Variants in FGGY observed in about 807,000 individuals in gnomAD.
The protein encoded by FGGY is FGGY carbohydrate kinase domain-containing protein.
FGGY carries 72 observed loss-of-function variants against 71.3 expected under a neutral mutation model. The observed-to-expected ratio is 1.01, with a 90% CI of 0.84 to 1.23. FGGY has a LOEUF of 1.23. FGGY is among the 50% of genes most tolerant of loss of function. The pLI is 0.00. For missense variants in FGGY, 668 were observed against 682.3 expected (o/e 0.98, Z 0.23); for synonymous variants, 251 against 250.3 (o/e 1.00, Z -0.02).
At chr1:59,533,821 T>A (rs942339858) in intron 7 of FGGY, among the ~76,000 whole-genome samples, 1 of 151,902 alleles carries the variant, frequency 6.6e-6, no homozygotes, top group Non-Finnish European at 1.5e-5. Context: ...CACACCAAAA[T>A]CCCATCTGTA....
At chr1:59,730,040 C>T (rs1159449791) in intron 14 of FGGY, among the ~76,000 whole-genome samples, 2 of 152,134 alleles carry the variant, frequency 1.3e-5, no homozygotes, top group Non-Finnish European at 2.9e-5. Context: ...GAGGTAAAAC[C>T]GATGAAAGTG....
chr1:59,480,087 A>G (rs1010530735), intron 6 of FGGY, among the ~76,000 whole-genome samples: 1 of 152,212 alleles, frequency 6.6e-6, no homozygotes, highest in African/African-American at 2.4e-5. Flanking sequence ...CAACAGGCTT[A>G]TAACACTTGT....
chr1:59,565,484 C>T (rs1015479786), intron 8 of FGGY, among the ~76,000 whole-genome samples: 1 of 152,286 alleles, frequency 6.6e-6, no homozygotes, highest in African/African-American at 2.4e-5. Context: ...CGGGGTTTCA[C>T]CGCGTTAGCC....
intron 5 of FGGY, among the ~76,000 whole-genome samples, chr1:59,435,285 G>A (rs1159287375): frequency 1.3e-5 from 2 of 152,198 alleles, no homozygotes; most frequent in Admixed American, 6.5e-5. Context: ...ATAATAAAAT[G>A]CAACGTGTAT....
At chr1:59,686,723 C>G (rs12075616) in intron 14 of FGGY, among the ~76,000 whole-genome samples, 1 of 151,780 alleles carries the variant, frequency 6.6e-6, no homozygotes. Context: ...TACTATTAGC[C>G]GTATGATTCA....
intron 8 of FGGY, among the ~76,000 whole-genome samples, chr1:59,578,960 A>T (rs1369130202): frequency 3.3e-5 from 5 of 151,990 alleles, no homozygotes; most frequent in Non-Finnish European, 5.9e-5. Context: ...TCCCCCATTT[A>T]TTGTCTTTGC....
At chr1:59,746,028 CG>C (rs1298523079) in intron 14 of FGGY, among the ~76,000 whole-genome samples, 1 of 151,964 alleles carries the variant, frequency 6.6e-6, no homozygotes, top group East Asian at 1.9e-4. Flanking sequence ...ATTTTGAAAC[CG>C]TCTAACAGTG....
chr1:59,582,060 G>T (rs1034006665), intron 8 of FGGY, among the ~76,000 whole-genome samples: 4 of 149,368 alleles, frequency 2.7e-5, no homozygotes, highest in Non-Finnish European at 5.9e-5. Context: ...ACCAGCCTGG[G>T]CAACATAGTG....
chr1:59,375,292 C>G (rs993040384), intron 4 of FGGY, among the ~76,000 whole-genome samples: 1 of 141,802 alleles, frequency 7.1e-6, no homozygotes, highest in Non-Finnish European at 1.6e-5. Flanking sequence ...AAGAAACAAA[C>G]AAAAAAAAAC....
At chr1:59,571,734 G>T (rs2095989178) in intron 8 of FGGY, among the ~76,000 whole-genome samples, 1 of 152,102 alleles carries the variant, frequency 6.6e-6, no homozygotes, top group Admixed American at 6.6e-5. Flanking sequence ...TAACTAAGTT[G>T]TATTATATTC....
intron 8 of FGGY, among the ~76,000 whole-genome samples, chr1:59,560,088 C>G (rs2095762177): frequency 6.6e-6 from 1 of 152,088 alleles, no homozygotes; most frequent in African/African-American, 2.4e-5. Context: ...ATCCACGTGA[C>G]AAGGTCAACA....
Position 59,324,090 on chromosome 1 carries a change from T to C in FGGY, c.201+2340T>C, listed in dbSNP as rs2046891074. 2.0e-5 allele frequency among the ~76,000 whole-genome samples: 3 copies of C among 152,120 alleles called. No homozygotes were observed. The South Asian group carries it at 6.2e-4, about 32-fold the overall frequency. On this transcript the variant is annotated intron_variant, in intron 2 of 15. Transcript: ENST00000303721. Reference sequence around the variant, plus strand: ...CTTCAGAGCAGTTGTTCTAATTCCTTTTCCCTAAGTCATTCACATTGCCTG... The same window carrying C: ...CTTCAGAGCAGTTGTTCTAATTCCTCTTCCCTAAGTCATTCACATTGCCTG...
chr1:59,329,036 C>T (rs996930977), intron 2 of FGGY, among the ~76,000 whole-genome samples: 1 of 152,140 alleles, frequency 6.6e-6, no homozygotes, highest in African/African-American at 2.4e-5. Flanking sequence ...GTGACATGAG[C>T]TATTGGAAAA....
chr1:59,515,513 A>G (rs560747045), intron 7 of FGGY, among the ~76,000 whole-genome samples: 11 of 152,204 alleles, frequency 7.2e-5, no homozygotes, highest in Non-Finnish European at 1.3e-4. Context: ...GGGAGGGGCC[A>G]GGGGCGGAAT....
intron 9 of FGGY, among the ~76,000 whole-genome samples, chr1:59,615,225 C>T (rs1230311750): frequency 6.6e-6 from 1 of 152,182 alleles, no homozygotes; most frequent in Non-Finnish European, 1.5e-5. Flanking sequence ...AAGCTGGAGA[C>T]ATCACGCTAC....
chr1:59,587,184 A>C (rs1040383261), intron 8 of FGGY, among the ~76,000 whole-genome samples: 1 of 152,202 alleles, frequency 6.6e-6, no homozygotes, highest in Non-Finnish European at 1.5e-5. Flanking sequence ...ACGGAGTCTC[A>C]CTGATTGCTA....
At chr1:59,463,576 A>G (rs138768482) in intron 6 of FGGY, among the ~76,000 whole-genome samples, 370 of 152,298 alleles carry the variant, frequency 2.4e-3, no homozygotes, top group African/African-American at 8.5e-3. Context: ...CAAATATGAT[A>G]AAGAGTCAAG....
At chr1:59,617,869 T>G (rs1448456933) in intron 9 of FGGY, among the ~76,000 whole-genome samples, 1 of 152,118 alleles carries the variant, frequency 6.6e-6, no homozygotes, top group Non-Finnish European at 1.5e-5. Flanking sequence ...CTATGTGCTC[T>G]TGGGATTTTA....
At chr1:59,622,256 T>C (rs925852629) in intron 9 of FGGY, among the ~76,000 whole-genome samples, 8 of 152,124 alleles carry the variant, frequency 5.3e-5, no homozygotes, top group African/African-American at 1.9e-4. Context: ...AATACCTACT[T>C]TAAAATTCTT....
Sources: allele counts gnomAD v4.1 joint callset (sites outside exome capture counted in the v4.1 genomes callset), GRCh38; gene constraint gnomAD v4.1.1; transcripts MANE v1.5; gene names NCBI Gene and HGNC (gene_info 2026-07-23, HGNC 2026-07-21).